The following CLIP4 variants were observed in gnomAD, a reference collection of about 807,000 sequenced individuals.
CLIP4 encodes CAP-Gly domain containing linker protein family member 4, also known as CAP-Gly domain-containing linker protein 4.
A neutral mutation model predicts 73.1 loss-of-function variants in CLIP4; 47 were observed. The ratio of observed to expected loss-of-function variants is 0.64; its 90% confidence interval spans 0.51 to 0.82. CLIP4 has a LOEUF of 0.82. Among genes scored for constraint, CLIP4 ranks in the 40% least tolerant of loss-of-function variants. CLIP4 has a pLI of 0.00. For synonymous variants in CLIP4, 306 were observed against 295.4 expected, an observed-to-expected ratio of 1.04 and a Z score of -0.37; for missense variants, 874 against 852.9, an observed-to-expected ratio of 1.02 and a Z score of -0.31.
intron 8 of CLIP4, among the ~76,000 whole-genome samples, chr2:29,146,780 T>A (rs1277623719): frequency 6.6e-6 from 1 of 152,186 alleles, no homozygotes; most frequent in Admixed American, 6.5e-5. Context: ...GTGCCTCAGT[T>A]GTCTTCTGTG....
At chr2:29,138,042 G>A (rs899186741) in intron 6 of CLIP4, among the ~76,000 whole-genome samples, 3 of 152,064 alleles carry the variant, frequency 2.0e-5, no homozygotes, top group African/African-American at 7.2e-5. Flanking sequence ...TGTTTTTGTT[G>A]CCTTCGCTTT....
chr2:29,154,326 T>C (rs77198194), intron 9 of CLIP4, among the ~76,000 whole-genome samples: 3,358 of 152,238 alleles, frequency 0.022, 125 homozygotes, highest in African/African-American at 0.077. Context: ...TCACCTGTTA[T>C]CTTTATTGCT....
chr2:29,162,848 T>G (rs955077086), intron 12 of CLIP4, among the ~76,000 whole-genome samples: 1 of 152,170 alleles, frequency 6.6e-6, no homozygotes, highest in South Asian at 2.1e-4. Context: ...AACTTGTGAG[T>G]TGGTTTTTTA....
At chr2:29,104,119 A>G (rs146391178) in intron 1 of CLIP4, among the ~76,000 whole-genome samples, 1 of 152,204 alleles carries the variant, frequency 6.6e-6, no homozygotes, top group Non-Finnish European at 1.5e-5. Flanking sequence ...CTCATTTTTC[A>G]TGGGTTTTAA....
At chr2:29,132,409 C>T in intron 4 of CLIP4, 164 bp downstream of exon 4, 1 of 617,820 alleles carries the variant, frequency 1.6e-6, no homozygotes, top group Non-Finnish European at 2.9e-6. Flanking sequence ...AACCATATTC[C>T]CTTTAATCAA....
intron 2 of CLIP4, chr2:29,130,901 G>T (rs894348229): frequency 1.0e-5 from 13 of 1,290,594 alleles, no homozygotes; most frequent in Non-Finnish European, 1.3e-5. Context: ...AGTTACCTCA[G>T]CAAGTAGAAT....
Position 29,183,232 on chromosome 2 carries a change from A to T in CLIP4, c.*1339A>T, listed in dbSNP as rs1351365766. 1 of 152,666 alleles carries T rather than the reference A, an allele frequency of 6.6e-6. No individual in the cohort carries two copies. Among genetic ancestry groups the T allele is most frequent in the Non-Finnish European group, 1.5e-5 (1 of 68,028 alleles). The allele number at this position is 152,666 out of a possible 1,614,324, so 9.5% of individuals were successfully genotyped here. On this transcript the variant is annotated 3_prime_UTR_variant, in exon 16 of 16. Coordinates refer to ENST00000320081, the MANE Select transcript of CLIP4 (RefSeq NM_024692.6). ...ATATTGGAACAGTTTGCTTTATAAG[A>T]TTAAAAAGCATCCTTCAGAATGGAG...
upstream of CLIP4, among the ~76,000 whole-genome samples, chr2:29,111,463 T>C (rs2148442549): frequency 6.6e-6 from 1 of 152,364 alleles, no homozygotes; most frequent in Middle Eastern, 3.4e-3. Context: ...TTTTAAAACA[T>C]AGACCAGCAT....
intron 2 of CLIP4, among the ~76,000 whole-genome samples, chr2:29,127,327 A>G (rs1234170231): frequency 6.6e-6 from 1 of 152,072 alleles, no homozygotes; most frequent in African/African-American, 2.4e-5. Context: ...GGGGAAACAA[A>G]CTTTCATTGA....
chr2:29,117,801 A>C (rs926959348), intron 1 of CLIP4, among the ~76,000 whole-genome samples: 16 of 152,358 alleles, frequency 1.1e-4, no homozygotes, highest in African/African-American at 3.8e-4. Context: ...ACTTTCTGGT[A>C]GGAATCAACA....
At chr2:29,162,217 T>A (rs932948601) in intron 12 of CLIP4, among the ~76,000 whole-genome samples, 7 of 152,212 alleles carry the variant, frequency 4.6e-5, no homozygotes, top group African/African-American at 1.7e-4. Context: ...ATTCCTAATG[T>A]AAAGCATTTA....
rs556995788 is a variant in CLIP4 at position 29,183,613 on chromosome 2, T to G, written c.*1720T>G. ...TAAGTTAAAAACAGTAATGCCAACA[T>G]TGAATTTATTTTTGAGGTCAAAGAA... On this transcript the variant is annotated 3_prime_UTR_variant, in exon 16 of 16. Coordinates refer to ENST00000320081, the MANE Select transcript of CLIP4 (RefSeq NM_024692.6). 1 of 152,652 alleles carries G rather than the reference T, an allele frequency of 6.6e-6. No homozygotes were observed. Among genetic ancestry groups the G allele is most frequent in the African/African-American group, 2.4e-5 (1 of 41,456 alleles). The allele number at this position is 152,652 out of a possible 1,614,324, so 9.5% of individuals were successfully genotyped here.
intron 2 of CLIP4, among the ~76,000 whole-genome samples, chr2:29,125,440 T>C (rs1013844281): frequency 1.3e-5 from 2 of 152,172 alleles, no homozygotes; most frequent in Admixed American, 1.3e-4. Context: ...CCATCTCTGC[T>C]GTATTCTGCC....
chr2:29,114,512 A>G (rs1668471627), upstream of CLIP4, among the ~76,000 whole-genome samples: 1 of 152,238 alleles, frequency 6.6e-6, no homozygotes, highest in African/African-American at 2.4e-5. Flanking sequence ...GCTGCCTTAA[A>G]AGGTAATGAG....
At chr2:29,129,756 ACTC>A (rs1664843566) in intron 2 of CLIP4, among the ~76,000 whole-genome samples, 1 of 151,950 alleles carries the variant, frequency 6.6e-6, no homozygotes, top group Non-Finnish European at 1.5e-5. Flanking sequence ...GGCTTAGGAT[ACTC>A]CTCCTTCAAG....
Position 29,152,881 on chromosome 2 carries a change from T to C in CLIP4, c.1165+53T>C, listed in dbSNP as rs1395856310. The C allele has an allele frequency of 9.5e-6, 15 of 1,579,840 alleles. No individual in the cohort carries two copies. The East Asian group carries it at 3.4e-4, about 36-fold the overall frequency. On this transcript the variant is annotated intron_variant, in intron 9 of 15. Coordinates refer to ENST00000320081, the MANE Select transcript of CLIP4 (RefSeq NM_024692.6). The stretch of plus-strand genomic sequence containing the variant: ...TGCTTCAGTGTTTTAATTTTATTTG[T>C]AGAATTCCTAATATTTAGATTGCTT...
chr2:29,177,788 A>T (rs1003498595), intron 15 of CLIP4, among the ~76,000 whole-genome samples: 17 of 152,280 alleles, frequency 1.1e-4, no homozygotes, highest in African/African-American at 4.1e-4. Context: ...ACTGATTATT[A>T]TGTACAAATA....
At chr2:29,112,442 T>C (rs1340416921), upstream of CLIP4, among the ~76,000 whole-genome samples, 1 of 152,246 alleles carries the variant, frequency 6.6e-6, no homozygotes, top group African/African-American at 2.4e-5. Context: ...TTAAAGTTTT[T>C]GCAAGTTGTT....
intron 14 of CLIP4, among the ~76,000 whole-genome samples, chr2:29,174,097 G>GAATTAC (rs1558584948): frequency 1.1e-4 from 16 of 151,784 alleles, no homozygotes; most frequent in Non-Finnish European, 2.4e-4. Flanking sequence ...GTTATATTCT[G>GAATTAC]TATACTTACC....
Sources: gnomAD v4.1 joint callset for allele counts (sites outside exome capture counted in the v4.1 genomes callset) on GRCh38, gnomAD v4.1.1 for gene constraint, MANE v1.5 for transcripts, NCBI Gene and HGNC (gene_info 2026-07-23, HGNC 2026-07-21) for gene names.